FAM199X: variants seen among roughly 807,000 people sequenced by gnomAD.
The protein encoded by FAM199X is protein FAM199X.
A neutral mutation model predicts 22.9 loss-of-function variants in FAM199X; 4 were observed. The ratio of observed to expected loss-of-function variants is 0.17; its 90% CI spans 0.09 to 0.40. FAM199X has a LOEUF of 0.40. Ranked by LOEUF, FAM199X falls within the 10% of genes least tolerant of loss-of-function variation. The pLI is 1.00. For synonymous variants in FAM199X, 101 were observed against 112.3 expected (o/e 0.90, Z 0.64); for missense variants, 183 against 306.8 (o/e 0.60, Z 3.01).
intron 2 of FAM199X, 69 bp downstream of exon 2, chrX:104,175,911 T>G (rs1921478747): frequency 1.3e-6 from 1 of 741,695 alleles, no homozygotes; most frequent in South Asian, 2.7e-5. Context: ...TCTTTTGATA[T>G]TTTCATCTCT....
chrX:104,169,728 T>C (rs1018219867), intron 1 of FAM199X, among the ~76,000 whole-genome samples: 1 of 111,919 alleles, frequency 8.9e-6, no homozygotes, highest in Non-Finnish European at 1.9e-5. Flanking sequence ...CCACTATGCC[T>C]GGCTAATTTT....
At chrX:104,167,239 C>G in intron 1 of FAM199X, among the ~76,000 whole-genome samples, 1 of 106,797 alleles carries the variant, frequency 9.4e-6, no homozygotes, top group African/African-American at 3.4e-5. Flanking sequence ...TACCTTCTCC[C>G]TCCCTTGCTT....
At chrX:104,177,031 T>C (rs1921508596) in intron 2 of FAM199X, among the ~76,000 whole-genome samples, 1 of 111,831 alleles carries the variant, frequency 8.9e-6, no homozygotes, top group African/African-American at 3.2e-5. Flanking sequence ...TCAGTAGTTA[T>C]TAATATACTC....
chrX:104,159,139 C>T, the FAM199X span, among the ~76,000 whole-genome samples: 2 of 111,440 alleles, frequency 1.8e-5, no homozygotes, highest in Non-Finnish European at 1.9e-5. Context: ...GTTTCAGAGG[C>T]GAGGAAAGAG....
intron 2 of FAM199X, among the ~76,000 whole-genome samples, chrX:104,182,534 T>C (rs1428793017): frequency 9.0e-6 from 1 of 111,493 alleles, no homozygotes. Context: ...CTGTTGAGCT[T>C]TCAAATCCCT....
intron 1 of FAM199X, among the ~76,000 whole-genome samples, chrX:104,170,463 A>C (rs1221869662): frequency 3.6e-5 from 4 of 111,991 alleles, no homozygotes; most frequent in Admixed American, 1.9e-4. Context: ...ACGTGATAGA[A>C]GTGGAACTAC....
At chrX:104,181,144 A>G (rs540648457) in intron 2 of FAM199X, among the ~76,000 whole-genome samples, 8 of 112,725 alleles carry the variant, frequency 7.1e-5, no homozygotes, top group South Asian at 3.6e-4. Context: ...CTGAAATTAC[A>G]TATCAGCTGT....
At chrX:104,184,952 T>G (rs1371425739) in intron 2 of FAM199X, among the ~76,000 whole-genome samples, 1 of 108,574 alleles carries the variant, frequency 9.2e-6, no homozygotes, top group African/African-American at 3.3e-5. Flanking sequence ...TTCTTTTTTT[T>G]TTTAATAGAG....
chrX:104,195,267 T>A lies in FAM199X; in HGVS notation c.*5489T>A, dbSNP rs1203802738. The A allele has an allele frequency of 9.0e-6, 1 of 111,701 alleles. No individual in the cohort carries two copies. Among genetic ancestry groups the A allele is most frequent in the Non-Finnish European group, 1.9e-5 (1 of 53,110 alleles). The allele number at this position is 111,701 out of a possible 1,213,427, so 9.2% of individuals were successfully genotyped here. On this transcript the variant is annotated 3_prime_UTR_variant, in exon 6 of 6. Transcript: ENST00000493442. ...ACTGCTGCTTACTACTTTATACTTC[T>A]GAGTCAGCTCCTTTCATGCTCTATC...
Position 104,175,810 on chromosome X carries a change from T to C in FAM199X, c.385T>C (p.Trp129Arg), listed in dbSNP as rs1556376314. 1 of 1,210,474 alleles carries C rather than the reference T, an allele frequency of 8.3e-7. No homozygotes were observed. The highest frequency in any genetic ancestry group is 1.1e-6 in the Non-Finnish European group (1 of 894,747). ...TGTCTCTTCTTCTATTAGCACTTAC[T>C]GGGATTGGTCAGATAGCGAGTTTGA... is the stretch of plus-strand genomic sequence containing the variant. The part of the protein sequence containing the change: ...SDVSSSISTY[W>R]DWSDSEFEWQ... The change falls in exon 2 of 6, where the codon TGG becomes CGG. Residue 129 changes from tryptophan to arginine, a missense_variant. Transcript: ENST00000493442.
At chrX:104,177,588 G>A (rs782256462) in intron 2 of FAM199X, among the ~76,000 whole-genome samples, 2 of 111,975 alleles carry the variant, frequency 1.8e-5, no homozygotes, top group African/African-American at 3.2e-5. Flanking sequence ...CACCAGCAGC[G>A]TATGAAAGTT....
Position 104,189,627 on chromosome X carries a change from A to G in FAM199X, c.1016A>G (p.Lys339Arg), listed in dbSNP as rs1333941901. The change falls in exon 6 of 6, where the codon AAG becomes AGG. Residue 339 changes from lysine (K) to arginine (R), a missense_variant. This residue lies in a region of FAM199X where 128 missense variants were observed against 246.2 expected (regional missense o/e 0.52). Coordinates refer to ENST00000493442, the MANE Select transcript of FAM199X (RefSeq NM_207318.4). ...TGACAGAAGCGATCCAAGCAGCGGA[A>G]GTTACAGCAGAAGGCCTTCCGCAAG... ...RDSKKRSKQR[K>R]LQQKAFRKRQ... The G allele has an allele frequency of 4.1e-6, 5 of 1,210,079 alleles. No homozygotes were observed. The African/African-American group carries it at 7.0e-5, about 17-fold the overall frequency.
chrX:104,160,810 A>T, the FAM199X span, among the ~76,000 whole-genome samples: 2 of 111,631 alleles, frequency 1.8e-5, no homozygotes, highest in Non-Finnish European at 3.8e-5. Flanking sequence ...TGAAATATAT[A>T]TTTGCAAGGA....
chrX:104,158,291 G>A, the FAM199X span, among the ~76,000 whole-genome samples: 9 of 111,627 alleles, frequency 8.1e-5, no homozygotes, highest in South Asian at 3.7e-4. Flanking sequence ...TCTCTCCCTT[G>A]AAGGCTGGCA....
the FAM199X span, among the ~76,000 whole-genome samples, chrX:104,157,192 C>T: frequency 9.0e-6 from 1 of 111,669 alleles, no homozygotes. Flanking sequence ...TGGAACATTT[C>T]CCCAGTTTGT....
intron 4 of FAM199X, among the ~76,000 whole-genome samples, chrX:104,187,178 G>A (rs1395070482): frequency 9.2e-6 from 1 of 108,748 alleles, no homozygotes; most frequent in African/African-American, 3.4e-5. Flanking sequence ...CCACTGCCCG[G>A]GTTCAAGTGA....
intron 1 of FAM199X, 93 bp from the exon 2 acceptor site, chrX:104,175,530 T>G: frequency 1.3e-6 from 1 of 747,947 alleles, no homozygotes; most frequent in Non-Finnish European, 1.9e-6. Context: ...CTCACATTCC[T>G]TATAAATGTT....
chrX:104,186,293 T>C (rs1921806152), intron 3 of FAM199X, 78 bp downstream of exon 3: 12 of 1,116,401 alleles, frequency 1.1e-5, no homozygotes, highest in Non-Finnish European at 1.4e-5. Context: ...TGTTTAAAGC[T>C]ACTGGGGAAA....
chrX:104,181,670 T>G (rs782517541), intron 2 of FAM199X, among the ~76,000 whole-genome samples: 102 of 112,342 alleles, frequency 9.1e-4, no homozygotes, highest in African/African-American at 3.3e-3. Flanking sequence ...TATTACAAAC[T>G]TACCAGACAG....
Sources: allele counts gnomAD v4.1 joint callset (sites outside exome capture counted in the v4.1 genomes callset), GRCh38; gene constraint gnomAD v4.1.1; regional missense constraint gnomAD v4.1.1; transcripts MANE v1.5; gene names NCBI Gene and HGNC (gene_info 2026-07-23, HGNC 2026-07-21).